RANBP2: variants seen among roughly 807,000 people sequenced by gnomAD.
RANBP2 encodes RAN binding protein 2.
RANBP2 carries 57 observed loss-of-function variants against 303.6 expected under a neutral mutation model. The observed-to-expected ratio is 0.19, with a 90% CI of 0.15 to 0.23. The LOEUF is 0.23. RANBP2 is among the 10% of genes least tolerant of loss of function. RANBP2 has a pLI of 1.00. For synonymous variants in RANBP2, 1,167 were observed against 1,301.5 expected (o/e 0.90, Z 2.23); for missense variants, 3,138 against 3,780.8 (o/e 0.83, Z 4.46).
the RANBP2 span, among the ~76,000 whole-genome samples, chr2:109,322,383 G>C: frequency 1.3e-5 from 2 of 152,222 alleles, no homozygotes; most frequent in Non-Finnish European, 2.9e-5. Flanking sequence ...AGGCAGACTA[G>C]GCAGTTGGGG....
the RANBP2 span, among the ~76,000 whole-genome samples, chr2:109,538,543 G>A: frequency 6.6e-6 from 1 of 152,192 alleles, no homozygotes; most frequent in Non-Finnish European, 1.5e-5. Context: ...TTTTGAGACA[G>A]TCTCACTCTG....
chr2:109,151,671 C>T, the RANBP2 span, among the ~76,000 whole-genome samples: 9 of 152,326 alleles, frequency 5.9e-5, no homozygotes, highest in South Asian at 8.3e-4. Context: ...TCACACTTCC[C>T]GGTTTCCAGG....
the RANBP2 span, among the ~76,000 whole-genome samples, chr2:109,497,483 C>A: frequency 6.6e-6 from 1 of 152,194 alleles, no homozygotes; most frequent in African/African-American, 2.4e-5. Context: ...ATTCCTTGAG[C>A]CCTGTGTCTG....
In RANBP2 at chr2:108,783,839, T is replaced by C. The variant is rs1364255739; in HGVS notation, c.9613T>C (p.Phe3205Leu). 7.4e-6 allele frequency: 12 copies of C among 1,613,168 alleles called. No homozygotes were observed. Among genetic ancestry groups the C allele is most frequent in the Non-Finnish European group, 1.0e-5 (12 of 1,179,290 alleles). ...GMDTVKKIES[F>L]GSPKGSVCRR... ...GGATACTGTGAAAAAGATTGAATCA[T>C]TTGGTTCTCCCAAAGGGTCTGTTTG... is the stretch of plus-strand genomic sequence containing the variant. Residue 3205 changes from phenylalanine (F) to leucine (L), a missense_variant, in exon 29 of 29, where the codon TTT becomes CTT. By Grantham distance (22) the Phe-to-Leu change is conservative. This residue lies in a region of RANBP2 where 22 missense variants were observed against 48.8 expected (regional missense o/e 0.45). Transcript: ENST00000283195.
the RANBP2 span, chr2:109,544,301 C>A: frequency 6.3e-7 from 1 of 1,595,264 alleles, no homozygotes; most frequent in Non-Finnish European, 8.5e-7. Context: ...TGCTCTGGAA[C>A]TTCTGTTTTA....
the RANBP2 span, among the ~76,000 whole-genome samples, chr2:108,845,385 G>T: frequency 2.5e-4 from 38 of 152,104 alleles, no homozygotes; most frequent in Middle Eastern, 3.4e-3. Flanking sequence ...TATCCACATT[G>T]CAGGATCAAT....
chr2:108,794,355 T>A, the RANBP2 span: 1 of 159,432 alleles, frequency 6.3e-6, no homozygotes, highest in Admixed American at 6.6e-5. Context: ...TCAATTGCTG[T>A]ATACCCTTCA....
chr2:109,700,148 CATTTATAGTTAAGTAGTGTGT>C, the RANBP2 span, among the ~76,000 whole-genome samples: 2 of 152,112 alleles, frequency 1.3e-5, no homozygotes, highest in East Asian at 3.9e-4. Flanking sequence ...ATCTTAAGTC[CATTTATAGTTAAGTAGTGTGT>C]AGTGTCCGGA....
the RANBP2 span, among the ~76,000 whole-genome samples, chr2:109,580,488 C>T: frequency 1.3e-5 from 2 of 151,736 alleles, no homozygotes; most frequent in Non-Finnish European, 2.9e-5. Flanking sequence ...AAAACCACAA[C>T]AAAGCAAGCA....
At chr2:109,593,063 AT>A in the RANBP2 span, 1 of 1,597,530 alleles carries the variant, frequency 6.3e-7, no homozygotes, top group Non-Finnish European at 8.5e-7. Context: ...TCTGTTCATC[AT>A]CTGATCCTTG....
the RANBP2 span, among the ~76,000 whole-genome samples, chr2:108,836,109 C>T: frequency 3.2e-4 from 48 of 152,268 alleles, 1 homozygote; most frequent in South Asian, 2.1e-4. Context: ...GTTTCCAACA[C>T]ATAAATTTTG....
the RANBP2 span, among the ~76,000 whole-genome samples, chr2:109,035,984 CACA>C: frequency 6.6e-6 from 1 of 152,152 alleles, no homozygotes; most frequent in Admixed American, 6.6e-5. Flanking sequence ...AAGGAAGAGG[CACA>C]ACATTTTTCA....
At chr2:109,717,261 TAAAAACAAACCAAAAAAA>T in the RANBP2 span, among the ~76,000 whole-genome samples, 1 of 48,578 alleles carries the variant, frequency 2.1e-5, no homozygotes, top group Non-Finnish European at 4.5e-5. Flanking sequence ...AAATGAAAAT[TAAAAACAAACCAAAAAAA>T]AAAAAAAAAA....
the RANBP2 span, chr2:109,437,009 C>T: frequency 3.1e-6 from 5 of 1,613,910 alleles, no homozygotes; most frequent in South Asian, 5.5e-5. Context: ...AGCCTGGCCA[C>T]TGCCACCAGG....
chr2:108,923,580 C>G, the RANBP2 span: 85,412 of 766,116 alleles, frequency 0.11, 10,263 homozygotes, highest in African/African-American at 0.5. Flanking sequence ...GCCACGCCCA[C>G]TCAGTCACCT....
chr2:109,338,876 A>G, the RANBP2 span, among the ~76,000 whole-genome samples: 2 of 152,010 alleles, frequency 1.3e-5, no homozygotes, highest in Non-Finnish European at 2.9e-5. Context: ...CTCAAACTCA[A>G]CTCCTAAGAG....
At chr2:109,698,519 C>G in the RANBP2 span, among the ~76,000 whole-genome samples, 2 of 151,652 alleles carry the variant, frequency 1.3e-5, no homozygotes, top group Non-Finnish European at 2.9e-5. Context: ...TATTTTTCTA[C>G]TTATAATGTT....
At chr2:108,762,974 T>G (rs1055723367) in intron 19 of RANBP2, among the ~76,000 whole-genome samples, 2 of 152,204 alleles carry the variant, frequency 1.3e-5, no homozygotes, top group African/African-American at 4.8e-5. Context: ...CTTAACCTAC[T>G]TATGCCTAGT....
At chr2:109,480,767 C>T in the RANBP2 span, among the ~76,000 whole-genome samples, 1 of 152,176 alleles carries the variant, frequency 6.6e-6, no homozygotes, top group Non-Finnish European at 1.5e-5. Context: ...CACCTGGCTG[C>T]TTGCCTGGGC....
Sources: allele counts gnomAD v4.1 joint callset (sites outside exome capture counted in the v4.1 genomes callset), GRCh38; gene constraint gnomAD v4.1.1; regional missense constraint gnomAD v4.1.1; transcripts MANE v1.5; gene names NCBI Gene and HGNC (gene_info 2026-07-23, HGNC 2026-07-21).